CEP170: variants seen among roughly 807,000 people sequenced by gnomAD.
CEP170 encodes centrosomal protein 170.
A neutral mutation model predicts 151.9 loss-of-function variants in CEP170; 21 were observed. That is an observed-to-expected ratio of 0.14 (90% CI 0.10 to 0.20). The LOEUF is 0.20. Ranked by LOEUF, CEP170 falls within the 10% of genes least tolerant of loss-of-function variation. The probability of loss-of-function intolerance (pLI) is 1.00; values close to 1 mark genes in which losing one functional copy is unlikely to be tolerated. For synonymous variants in CEP170, 356 were observed against 648.8 expected, an observed-to-expected ratio of 0.55 and a Z score of 6.86; for missense variants, 964 against 1,892.9, an observed-to-expected ratio of 0.51 and a Z score of 9.11.
intron 8 of CEP170, among the ~76,000 whole-genome samples, chr1:243,186,689 A>C (rs544596806): frequency 8.5e-5 from 13 of 152,370 alleles, no homozygotes; most frequent in Non-Finnish European, 1.6e-4. Context: ...TCAATGTCTT[A>C]ATAGATAATT....
At chr1:243,196,641 AGTTTG>A (rs2060667869) in intron 7 of CEP170, among the ~76,000 whole-genome samples, 1 of 152,094 alleles carries the variant, frequency 6.6e-6, no homozygotes, top group South Asian at 2.1e-4. Context: ...TGATTTTCAG[AGTTTG>A]GTGATAATTA....
chr1:243,181,424 T>C (rs2059608983), intron 10 of CEP170, among the ~76,000 whole-genome samples: 1 of 152,116 alleles, frequency 6.6e-6, no homozygotes. Flanking sequence ...TAAAATAAGG[T>C]GATCTATTGA....
chr1:243,221,598 TA>T, intron 3 of CEP170, 125 bp downstream of exon 3: 1 of 931,440 alleles, frequency 1.1e-6, no homozygotes, highest in Non-Finnish European at 1.6e-6. Flanking sequence ...ATGTACCTGA[TA>T]AGCATTTGAA....
rs1463735976 is a variant in CEP170, at chr1:243,165,690, G to A, written c.2270C>T (p.Ala757Val). 8.1e-6 allele frequency: 13 copies of A among 1,613,948 alleles called. No individual in the cohort carries two copies. Among genetic ancestry groups the A allele is most frequent in the Non-Finnish European group, 8.5e-6 (10 of 1,179,912 alleles). Residue 757 changes from alanine to valine, a missense_variant, in exon 13 of 20, where the codon GCT becomes GTT. By Grantham distance (64) the Ala-to-Val change is moderately conservative. Transcript: ENST00000366542. The stretch of plus-strand genomic sequence containing the variant: ...AGACAATTTAGTAGGTGTCCACTGA[G>A]CCTCCTCCCTTTGTTCTTGTTGTTG... ...KLQQQEQREE[A>V]QWTPTKLSSK...
intron 17 of CEP170, among the ~76,000 whole-genome samples, chr1:243,131,320 C>T (rs911940744): frequency 5.9e-5 from 9 of 151,842 alleles, no homozygotes; most frequent in East Asian, 1.9e-4. Flanking sequence ...GGCGAGACCT[C>T]GTCTCTATAA....
At chr1:243,141,773 A>C (rs2055861346) in intron 15 of CEP170, among the ~76,000 whole-genome samples, 1 of 152,224 alleles carries the variant, frequency 6.6e-6, no homozygotes, top group South Asian at 2.1e-4. Flanking sequence ...AGACTTTATG[A>C]AAATGTTCTG....
intron 4 of CEP170, among the ~76,000 whole-genome samples, chr1:243,209,916 A>G (rs1380192559): frequency 2.0e-5 from 3 of 151,874 alleles, no homozygotes; most frequent in African/African-American, 7.3e-5. Flanking sequence ...GATGGTCTCA[A>G]TCTCCTGACC....
intron 16 of CEP170, among the ~76,000 whole-genome samples, chr1:243,137,646 G>A (rs1437674545): frequency 4.6e-5 from 7 of 152,120 alleles, no homozygotes; most frequent in South Asian, 4.2e-4. Context: ...GTGCTGGTGC[G>A]TGCCTGTAGT....
chr1:243,254,810 G>A (rs1176272187), intron 1 of CEP170, among the ~76,000 whole-genome samples: 5 of 140,898 alleles, frequency 3.5e-5, no homozygotes, highest in Admixed American at 6.9e-5. Context: ...TGGGGGATGG[G>A]AAGGGTGGTC....
At chr1:243,208,805 C>G (rs1301124291) in intron 4 of CEP170, among the ~76,000 whole-genome samples, 1 of 152,190 alleles carries the variant, frequency 6.6e-6, no homozygotes, top group African/African-American at 2.4e-5. Flanking sequence ...GTCCCTTCAA[C>G]CCCACTAAAG....
chr1:243,130,070 A>C (rs2054216887), intron 17 of CEP170, among the ~76,000 whole-genome samples: 1 of 152,166 alleles, frequency 6.6e-6, no homozygotes, highest in African/African-American at 2.4e-5. Context: ...TCCAGTGGGT[A>C]TCTTGGAACA....
chr1:243,205,352 A>C (rs2061337515), intron 4 of CEP170, among the ~76,000 whole-genome samples: 1 of 152,210 alleles, frequency 6.6e-6, no homozygotes. Context: ...ACAAGTCAGC[A>C]AACTTTTTCT....
intron 1 of CEP170, among the ~76,000 whole-genome samples, chr1:243,239,675 C>T (rs1035356652): frequency 1.7e-4 from 26 of 152,188 alleles, no homozygotes; most frequent in African/African-American, 6.0e-4. Flanking sequence ...CTTTCTCCAG[C>T]AATCACTTCC....
chr1:243,203,814 G>A (rs1412626010), intron 4 of CEP170, among the ~76,000 whole-genome samples: 1 of 151,934 alleles, frequency 6.6e-6, no homozygotes, highest in African/African-American at 2.4e-5. Context: ...ATACAATTAT[G>A]ATAAATTAGA....
chr1:243,210,676 G>A (rs1246680698), intron 4 of CEP170, among the ~76,000 whole-genome samples: 2 of 124,572 alleles, frequency 1.6e-5, no homozygotes, highest in Non-Finnish European at 3.1e-5. Context: ...GTGCAGTAGT[G>A]TGATCTTGGC....
At chr1:243,182,966 GACT>G (rs1469435917) in intron 10 of CEP170, among the ~76,000 whole-genome samples, 1 of 150,144 alleles carries the variant, frequency 6.7e-6, no homozygotes, top group East Asian at 1.9e-4. Flanking sequence ...TGATGACAGT[GACT>G]ACTTTTTTTT....
chr1:243,240,566 AAT>A (rs2064729622), intron 1 of CEP170, among the ~76,000 whole-genome samples: 2 of 152,134 alleles, frequency 1.3e-5, no homozygotes, highest in Non-Finnish European at 2.9e-5. Flanking sequence ...TGTATTTATC[AAT>A]ATGTCTAGGC....
At chr1:243,141,557 G>A (rs2055837087) in intron 15 of CEP170, among the ~76,000 whole-genome samples, 1 of 152,162 alleles carries the variant, frequency 6.6e-6, no homozygotes, top group Non-Finnish European at 1.5e-5. Flanking sequence ...AAACACAGAA[G>A]TTCATTCTTT....
At chr1:243,213,543 T>C (rs2062002453) in intron 3 of CEP170, among the ~76,000 whole-genome samples, 1 of 152,148 alleles carries the variant, frequency 6.6e-6, no homozygotes, top group South Asian at 2.1e-4. Flanking sequence ...TATCAGACTC[T>C]GTGTCTTCAA....
Sources: allele counts gnomAD v4.1 joint callset (sites outside exome capture counted in the v4.1 genomes callset), GRCh38; gene constraint gnomAD v4.1.1; transcripts MANE v1.5; gene names NCBI Gene and HGNC (gene_info 2026-07-23, HGNC 2026-07-21).